Variants in CEP89 observed in about 807,000 individuals in gnomAD.
CEP89 encodes the protein centrosomal protein 89.
In CEP89, 95 loss-of-function variants were observed where a neutral mutation model predicts 97.6. The observed-to-expected ratio is 0.97, with a 90% CI of 0.82 to 1.15. CEP89 has a LOEUF of 1.15. Ranked by LOEUF, CEP89 falls within the 50% of genes most tolerant of loss-of-function variation. The pLI, the probability that CEP89 is intolerant of heterozygous loss-of-function variation, is 0.00. For missense variants in CEP89, 869 were observed against 947.7 expected (o/e 0.92, Z 1.09); for synonymous variants, 354 against 349.1 (o/e 1.01, Z -0.16).
At chr19:32,968,131 C>T (rs1971322831) in intron 1 of CEP89, among the ~76,000 whole-genome samples, 1 of 152,180 alleles carries the variant, frequency 6.6e-6, no homozygotes, top group African/African-American at 2.4e-5. Flanking sequence ...CTACCCAATA[C>T]CCCCACTCTG....
intron 3 of CEP89, among the ~76,000 whole-genome samples, chr19:32,956,314 A>T (rs1198827298): frequency 6.6e-6 from 1 of 151,342 alleles, no homozygotes; most frequent in African/African-American, 2.4e-5. Flanking sequence ...TCGGCCTCCC[A>T]AAATGCTGGG....
At chr19:32,914,242 A>G (rs1197182254) in intron 14 of CEP89, among the ~76,000 whole-genome samples, 1 of 152,014 alleles carries the variant, frequency 6.6e-6, no homozygotes, top group Non-Finnish European at 1.5e-5. Flanking sequence ...CATTTAACTA[A>G]TTCCTTATTA....
chr19:32,885,271 T>C (rs1969370541), intron 17 of CEP89, among the ~76,000 whole-genome samples: 1 of 152,250 alleles, frequency 6.6e-6, no homozygotes, highest in East Asian at 1.9e-4. Flanking sequence ...AAATATATTC[T>C]TCGCTCACTA....
At chr19:32,915,246 C>A in intron 14 of CEP89, 91 bp downstream of exon 14, 1 of 1,189,684 alleles carries the variant, frequency 8.4e-7, no homozygotes, top group African/African-American at 1.6e-5. Flanking sequence ...ATCACTTGAG[C>A]CCAGGAGTTT....
chr19:32,930,046 G>A (rs1970440084), intron 9 of CEP89, among the ~76,000 whole-genome samples: 1 of 138,134 alleles, frequency 7.2e-6, no homozygotes, highest in South Asian at 2.2e-4. Context: ...TTTTGAGACA[G>A]AGTCTCACTC....
intron 5 of CEP89, among the ~76,000 whole-genome samples, chr19:32,944,764 A>G (rs886895310): frequency 6.6e-6 from 1 of 152,240 alleles, no homozygotes; most frequent in Admixed American, 6.5e-5. Context: ...CCAACGGTAC[A>G]AGGGCCTTGC....
In CEP89 at chr19:32,923,560, T is replaced by A; in HGVS notation, c.1165-18A>T. The A allele has an allele frequency of 6.8e-7, 1 of 1,463,232 alleles. No individual in the cohort carries two copies. The highest frequency in any genetic ancestry group is 9.6e-7 in the Non-Finnish European group (1 of 1,043,400). The allele number at this position is 1,463,232 out of a possible 1,614,324, so 90.6% of individuals were successfully genotyped here. On this transcript the variant is annotated intron_variant, in intron 11 of 18. Coordinates refer to ENST00000305768, the MANE Select transcript of CEP89 (RefSeq NM_032816.5). ...ATTTCCTCCTGAAATAAAATGTACG[T>A]AAATTATAACACACACATACCCACG...
At chr19:32,960,608 G>A (rs1411812075) in intron 2 of CEP89, among the ~76,000 whole-genome samples, 1 of 152,030 alleles carries the variant, frequency 6.6e-6, no homozygotes, top group East Asian at 1.9e-4. Flanking sequence ...AGGAGATCGA[G>A]ACCAGCCTGG....
intron 16 of CEP89, among the ~76,000 whole-genome samples, chr19:32,889,113 G>C (rs1969461229): frequency 2.0e-5 from 3 of 152,212 alleles, no homozygotes; most frequent in African/African-American, 7.2e-5. Flanking sequence ...CCAGGATGGG[G>C]TAGGGCAGGA....
At position 32,971,922 on chromosome 19, in the gene CEP89, T is replaced by G. The variant is rs755008843; in HGVS notation, c.-48A>C. The G allele has an allele frequency of 3.2e-6, 5 of 1,561,750 alleles. No individual in the cohort carries two copies. In the East Asian group the frequency reaches 7.2e-5, roughly 23 times the overall value. On this transcript the variant is annotated 5_prime_UTR_variant, in exon 1 of 19. Transcript: ENST00000305768. ...ACCGGGGCCTGGACTCATCAGCAGATCTATCCACAGCCAGGGACCACTCCC... is the reference window on the plus strand; with the variant it reads ...ACCGGGGCCTGGACTCATCAGCAGAGCTATCCACAGCCAGGGACCACTCCC...
intron 17 of CEP89, among the ~76,000 whole-genome samples, chr19:32,883,955 C>T (rs1258984436): frequency 5.3e-5 from 8 of 152,136 alleles, no homozygotes; most frequent in Non-Finnish European, 7.3e-5. Flanking sequence ...TGTTATTTAG[C>T]GCATAGATAC....
At chr19:32,904,966 T>C (rs772968314) in intron 14 of CEP89, among the ~76,000 whole-genome samples, 16 of 152,228 alleles carry the variant, frequency 1.1e-4, no homozygotes, top group Admixed American at 3.9e-4. Context: ...TTTTGAACAA[T>C]TTTGCTAAAA....
intron 13 of CEP89, among the ~76,000 whole-genome samples, chr19:32,916,513 T>C (rs1970130070): frequency 1.3e-5 from 2 of 152,202 alleles, no homozygotes; most frequent in African/African-American, 4.8e-5. Flanking sequence ...ACATCAAACA[T>C]GGCCAAACTA....
At chr19:32,939,492 T>C (rs554581767) in intron 6 of CEP89, among the ~76,000 whole-genome samples, 2 of 151,842 alleles carry the variant, frequency 1.3e-5, no homozygotes, top group African/African-American at 4.8e-5. Flanking sequence ...GCCTGGGTAA[T>C]ATGGTGAAAC....
At chr19:32,884,384 T>A (rs539860318) in intron 17 of CEP89, among the ~76,000 whole-genome samples, 1 of 152,282 alleles carries the variant, frequency 6.6e-6, no homozygotes, top group Admixed American at 6.5e-5. Context: ...TATGAGCCAA[T>A]CCAAAAAATA....
At position 32,901,325 on chromosome 19, in the gene CEP89, G is replaced by C. The variant is rs775414751; in HGVS notation, c.1653C>G (p.Ser551Arg). The stretch of plus-strand genomic sequence containing the variant: ...TCAAACTGTTCTTCTCTAACAGCAG[G>C]CTCTTCTTCTGCGCTTGCAGGACTG... Reference protein sequence around the residue: ...KLTVLQAQKKSLLLEKNSLTE... With the variant: ...KLTVLQAQKKRLLLEKNSLTE... The change falls in exon 15 of 19, where the codon AGC becomes AGG. Residue 551 changes from serine to arginine, a missense_variant. Coordinates refer to ENST00000305768, the MANE Select transcript of CEP89 (RefSeq NM_032816.5). 35 of 1,614,114 alleles carry C rather than the reference G, an allele frequency of 2.2e-5. No homozygotes were observed. Among genetic ancestry groups the C allele is most frequent in the Non-Finnish European group, 3.0e-5 (35 of 1,179,998 alleles).
intron 10 of CEP89, among the ~76,000 whole-genome samples, chr19:32,926,708 T>C (rs1468197364): frequency 1.3e-5 from 2 of 152,166 alleles, no homozygotes; most frequent in African/African-American, 2.4e-5. Flanking sequence ...ACTATAGGCA[T>C]GCACCATCAC....
At chr19:32,949,212 C>A (rs562953653) in intron 4 of CEP89, among the ~76,000 whole-genome samples, 5 of 152,180 alleles carry the variant, frequency 3.3e-5, no homozygotes, top group Admixed American at 6.5e-5. Flanking sequence ...ATAGGAGCTG[C>A]TGAAATTTTG....
intron 17 of CEP89, among the ~76,000 whole-genome samples, chr19:32,886,551 A>T (rs1207901484): frequency 6.6e-6 from 1 of 152,040 alleles, no homozygotes; most frequent in Non-Finnish European, 1.5e-5. Context: ...TGATTTCTCA[A>T]GCCTTTTCTC....
Sources: allele counts gnomAD v4.1 joint callset (sites outside exome capture counted in the v4.1 genomes callset), GRCh38; gene constraint gnomAD v4.1.1; transcripts MANE v1.5; gene names NCBI Gene and HGNC (gene_info 2026-07-23, HGNC 2026-07-21).